SNX30: variants seen among roughly 807,000 people sequenced by gnomAD.
The protein encoded by SNX30 is sorting nexin-30.
SNX30 carries 24 observed loss-of-function variants against 46.4 expected under a neutral mutation model. The ratio of observed to expected loss-of-function variants is 0.52; its 90% confidence interval spans 0.37 to 0.73. The LOEUF (loss-of-function observed/expected upper bound fraction) is 0.73, where lower values mean the gene tolerates loss of function less well. Among genes scored for constraint, SNX30 ranks in the 30% least tolerant of loss-of-function variants. SNX30 has a pLI of 0.00. For synonymous variants in SNX30, 189 were observed against 211.5 expected, an observed-to-expected ratio of 0.89 and a Z score of 0.92; for missense variants, 533 against 555.7, an observed-to-expected ratio of 0.96 and a Z score of 0.41.
intron 2 of SNX30, among the ~76,000 whole-genome samples, chr9:112,812,707 T>A (rs1447151783): frequency 6.6e-6 from 1 of 151,862 alleles, no homozygotes; most frequent in Non-Finnish European, 1.5e-5. Flanking sequence ...TGTATGAGAA[T>A]GGTGTAAAAT....
At chr9:112,785,030 G>A (rs1421840668) in intron 1 of SNX30, among the ~76,000 whole-genome samples, 2 of 152,140 alleles carry the variant, frequency 1.3e-5, no homozygotes, top group African/African-American at 4.8e-5. Context: ...GGGGAGTATA[G>A]CACCATGTTA....
intron 2 of SNX30, among the ~76,000 whole-genome samples, chr9:112,805,973 A>G (rs1840218891): frequency 1.3e-5 from 2 of 152,224 alleles, no homozygotes; most frequent in African/African-American, 2.4e-5. Flanking sequence ...GAATAATTTT[A>G]ATGTATCATT....
chr9:112,861,242 A>G (rs1588141806), intron 7 of SNX30, among the ~76,000 whole-genome samples: 1 of 152,206 alleles, frequency 6.6e-6, no homozygotes. Context: ...TTGTGTTATT[A>G]ATATTTGTGC....
chr9:112,838,204 C>T (rs1002728419), intron 5 of SNX30, among the ~76,000 whole-genome samples: 5 of 152,088 alleles, frequency 3.3e-5, no homozygotes, highest in Non-Finnish European at 5.9e-5. Context: ...TGGTTATTTT[C>T]GAAGATGTTT....
At position 112,822,536 on chromosome 9, in the gene SNX30, G is replaced by GTTTTTTTTTTTTTTTTTTTTTTTTTTT. The variant is rs139781990; in HGVS notation, c.459+4725_459+4726insTTTTTTTTTTTTTTTTTTTTTTTTTTT. ...TTTTCTTTTGTCCCTTTGCTGTTTTGTTTTGTTTTTTTTTTTTGTAAGAAC... is the reference window on the plus strand; with the variant it reads ...TTTTCTTTTGTCCCTTTGCTGTTTTGTTTTTTTTTTTTTTTTTTTTTTTTTTTTTTTGTTTTTTTTTTTTGTAAGAAC... On this transcript the variant is annotated intron_variant, in intron 3 of 8. Transcript: ENST00000374232. Among the ~76,000 whole-genome samples the GTTTTTTTTTTTTTTTTTTTTTTTTTTT allele has an allele frequency of 1.6e-5, 2 of 123,724 alleles. 1 individual carries two copies. The highest frequency in any genetic ancestry group is 3.3e-5 in the Non-Finnish European group (2 of 60,952). 81.2% of individuals were successfully genotyped at this position (123,724 alleles called of 152,430 possible). A position where few individuals can be genotyped will look rare whatever the true frequency, so the allele number is the denominator to read the frequency against.
intron 3 of SNX30, 38 bp downstream of exon 3, chr9:112,817,853 C>T: frequency 7.3e-7 from 1 of 1,370,432 alleles, no homozygotes; most frequent in Admixed American, 1.7e-5. Context: ...TCTCACTTGT[C>T]CTGTGTTGTC....
downstream of SNX30, among the ~76,000 whole-genome samples, chr9:112,883,031 C>T (rs375088815): frequency 8.5e-5 from 13 of 152,216 alleles, no homozygotes; most frequent in East Asian, 5.8e-4. Context: ...CATTAGATGT[C>T]GCCAAGAAAT....
intron 3 of SNX30, among the ~76,000 whole-genome samples, chr9:112,822,393 T>C (rs1399578793): frequency 2.0e-5 from 3 of 152,294 alleles, no homozygotes; most frequent in East Asian, 1.9e-4. Context: ...TTTTGAGATA[T>C]AATGGATATA....
chr9:112,811,401 C>T (rs375999944), intron 2 of SNX30, among the ~76,000 whole-genome samples: 17 of 152,262 alleles, frequency 1.1e-4, no homozygotes, highest in African/African-American at 2.9e-4. Context: ...TTCTTCGGAA[C>T]GGCCTTGGGC....
intron 6 of SNX30, among the ~76,000 whole-genome samples, chr9:112,845,908 A>G (rs4979163): frequency 0.76 from 115,765 of 152,038 alleles, 44,593 homozygotes; most frequent in South Asian, 0.86. Context: ...AAGTAAAACA[A>G]AGAAGAAAAA....
chr9:112,880,581 C>T (rs1031349833), intron 5 of SNX30: 1 of 153,356 alleles, frequency 6.5e-6, no homozygotes, highest in Non-Finnish European at 1.5e-5. Context: ...GGAAGCCCAT[C>T]CCCAACCTCC....
chr9:112,798,107 G>GTTTTT (rs58014041), intron 1 of SNX30, among the ~76,000 whole-genome samples: 11 of 81,118 alleles, frequency 1.4e-4, no homozygotes, highest in African/African-American at 1.9e-4. Context: ...GTTGAGGTTT[G>GTTTTT]TTTTTTTTTT....
downstream of SNX30, among the ~76,000 whole-genome samples, chr9:112,884,700 A>G (rs1444481796): frequency 6.6e-6 from 1 of 152,222 alleles, no homozygotes; most frequent in East Asian, 1.9e-4. Context: ...CAGTGTGCCT[A>G]AGTGCCTTAC....
chr9:112,760,312 C>T (rs534343431), intron 1 of SNX30, among the ~76,000 whole-genome samples: 4 of 152,262 alleles, frequency 2.6e-5, no homozygotes, highest in South Asian at 4.1e-4. Context: ...GGGAGGCAGC[C>T]GCTGCCAGTG....
chr9:112,836,386 A>G lies in SNX30; in HGVS notation c.791A>G (p.Gln264Arg), dbSNP rs1449064808. The change falls in exon 5 of 9, where the codon CAG becomes CGG. Residue 264 changes from glutamine (Q) to arginine (R), a missense_variant. Transcript: ENST00000374232. ...LKLGTIDRIA[Q>R]RIIKEEIEYL... is the part of the protein sequence containing the mutation. Reference sequence around the variant, plus strand: ...CTGGGAACCATTGATCGAATAGCCCAGCGGATCATCAAAGAAGAAATAGGT... The same window carrying G: ...CTGGGAACCATTGATCGAATAGCCCGGCGGATCATCAAAGAAGAAATAGGT... 1 of 1,597,468 alleles carries G rather than the reference A, an allele frequency of 6.3e-7. No individual in the cohort carries two copies. The highest frequency in any genetic ancestry group is 8.6e-7 in the Non-Finnish European group (1 of 1,165,894).
chr9:112,844,913 G>A (rs1840917347), intron 6 of SNX30, among the ~76,000 whole-genome samples: 1 of 152,178 alleles, frequency 6.6e-6, no homozygotes, highest in Admixed American at 6.5e-5. Flanking sequence ...GGTGCTTTAG[G>A]TTGGCCATTT....
chr9:112,794,846 A>C (rs542161338), intron 1 of SNX30, among the ~76,000 whole-genome samples: 1 of 152,342 alleles, frequency 6.6e-6, no homozygotes, highest in East Asian at 1.9e-4. Context: ...TTTGTAAAGC[A>C]ACCTCACTCT....
chr9:112,795,609 T>C (rs983327103), intron 1 of SNX30, among the ~76,000 whole-genome samples: 2 of 152,264 alleles, frequency 1.3e-5, no homozygotes, highest in East Asian at 3.9e-4. Flanking sequence ...ACTAACTTCA[T>C]ACTGTCTGGC....
chr9:112,826,515 A>G (rs1348893900), intron 3 of SNX30, among the ~76,000 whole-genome samples: 1 of 152,186 alleles, frequency 6.6e-6, no homozygotes, highest in Non-Finnish European at 1.5e-5. Flanking sequence ...CTGGATGAAC[A>G]GGAGATGTTG....
Sources: allele counts gnomAD v4.1 joint callset (sites outside exome capture counted in the v4.1 genomes callset), GRCh38; gene constraint gnomAD v4.1.1; transcripts MANE v1.5; gene names NCBI Gene and HGNC (gene_info 2026-07-23, HGNC 2026-07-21).